Variants in PCDHA7 observed in about 807,000 individuals in gnomAD.
The protein encoded by PCDHA7 is protocadherin alpha 7.
In PCDHA7, 37 loss-of-function variants were observed where a neutral mutation model predicts 57.2. The observed-to-expected ratio is 0.65, with a 90% CI of 0.50 to 0.85. PCDHA7 has a LOEUF of 0.85. PCDHA7 is among the 40% of genes least tolerant of loss of function. The probability of loss-of-function intolerance (pLI) is 0.00; values close to 1 mark genes in which losing one functional copy is unlikely to be tolerated. For synonymous variants in PCDHA7, 553 were observed against 558.8 expected, an observed-to-expected ratio of 0.99 and a Z score of 0.15; for missense variants, 1,188 against 1,241.8, an observed-to-expected ratio of 0.96 and a Z score of 0.65.
At chr5:140,987,429 G>T (rs1402576200) in intron 3 of PCDHA7, among the ~76,000 whole-genome samples, 2 of 152,096 alleles carry the variant, frequency 1.3e-5, no homozygotes, top group Admixed American at 1.3e-4. Flanking sequence ...GAAGCAGGGG[G>T]CCTTTCCCCA....
chr5:140,967,009 T>G, intron 1 of PCDHA7: 1 of 1,606,176 alleles, frequency 6.2e-7, no homozygotes, highest in Non-Finnish European at 8.5e-7. Flanking sequence ...GCATCAACCA[T>G]CTGGGTGCGC....
intron 1 of PCDHA7, chr5:140,927,104 C>T (rs1554204027): frequency 6.2e-7 from 1 of 1,613,722 alleles, no homozygotes; most frequent in Admixed American, 1.7e-5. Flanking sequence ...GTGGATCTAC[C>T]CAGCGGCAAT....
At chr5:140,970,316 A>G (rs547261671) in intron 1 of PCDHA7, among the ~76,000 whole-genome samples, 1 of 152,342 alleles carries the variant, frequency 6.6e-6, no homozygotes, top group African/African-American at 2.4e-5. Flanking sequence ...GTTAAATGAC[A>G]GTACTTCCAA....
chr5:140,877,015 G>A, intron 1 of PCDHA7: 1 of 1,612,474 alleles, frequency 6.2e-7, no homozygotes, highest in Non-Finnish European at 8.5e-7. Context: ...CGCGGAGAGC[G>A]GCAAGGTGTA....
chr5:140,856,424 AACG>A, intron 1 of PCDHA7: 1 of 1,598,418 alleles, frequency 6.3e-7, no homozygotes, highest in Non-Finnish European at 8.6e-7. Context: ...GAAGGACATT[AACG>A]ACAACCCGCC....
rs2150249264 is a variant in PCDHA7 at position 140,835,972 on chromosome 5, T to G, written c.1589T>G (p.Leu530Arg). Reference protein sequence around the residue: ...LQPLDHEELELLQFQVSARDA... With the variant: ...LQPLDHEELERLQFQVSARDA... ...CCGTTGGACCACGAGGAGCTGGAGC[T>G]GTTGCAGTTCCAGGTGAGCGCGCGC... is the stretch of plus-strand genomic sequence containing the variant. The change falls in exon 1 of 4, where the codon CTG becomes CGG. Residue 530 changes from leucine (L) to arginine (R), a missense_variant. This residue lies in a region of PCDHA7 where 892 missense variants were observed against 788.5 expected (regional missense o/e 1.13). Transcript: ENST00000525929. 1.2e-6 allele frequency: 2 copies of G among 1,613,340 alleles called. No individual in the cohort carries two copies. Among genetic ancestry groups the G allele is most frequent in the South Asian group, 2.2e-5 (2 of 91,062 alleles).
At chr5:140,909,327 G>A (rs2074440684) in intron 1 of PCDHA7, among the ~76,000 whole-genome samples, 1 of 152,216 alleles carries the variant, frequency 6.6e-6, no homozygotes. Context: ...CCAAATCAAT[G>A]GTTGCATACC....
intron 1 of PCDHA7, chr5:140,841,717 G>A: frequency 6.2e-7 from 1 of 1,613,924 alleles, no homozygotes; most frequent in Non-Finnish European, 8.5e-7. Flanking sequence ...ACCCGCCAGT[G>A]TTCCGGGTAA....
chr5:140,835,537 T>TTGCTCCCTG lies in PCDHA7; in HGVS notation c.1155_1156insGCTCCCTGT (p.Val385_Thr386insAlaProCys). On this transcript the variant is annotated inframe_insertion, in exon 1 of 4. Transcript: ENST00000525929. ...CGAGATTTTGGAGTCAACGGACAGG[T>TTGCTCCCTG]TACCTGCTCCCTGACGCCCCGCGTT... The TTGCTCCCTG allele has an allele frequency of 1.9e-6, 3 of 1,613,926 alleles. No individual in the cohort carries two copies. In the East Asian group the frequency reaches 6.7e-5, roughly 36 times the overall value.
At chr5:140,968,210 A>T (rs376166734) in intron 1 of PCDHA7, 4 of 1,613,882 alleles carry the variant, frequency 2.5e-6, no homozygotes, top group Non-Finnish European at 3.4e-6. Flanking sequence ...ACAGGAGAAC[A>T]ATTTGCCAGG....
chr5:140,976,888 A>G (rs1050816491), intron 1 of PCDHA7, among the ~76,000 whole-genome samples: 1 of 152,218 alleles, frequency 6.6e-6, no homozygotes, highest in African/African-American at 2.4e-5. Context: ...ATTAGGATAC[A>G]TGCAACAGTA....
intron 1 of PCDHA7, chr5:140,928,354 A>G: frequency 6.2e-7 from 1 of 1,614,150 alleles, no homozygotes; most frequent in Non-Finnish European, 8.5e-7. Flanking sequence ...GTTGGATGTT[A>G]TCTCTGAAGG....
In PCDHA7 at chr5:140,928,627, T is replaced by G. The variant is rs782634688; in HGVS notation, c.2356-50322T>G. The G allele has an allele frequency of 1.5e-5, 24 of 1,614,220 alleles. No homozygotes were observed. The highest frequency in any genetic ancestry group is 1.9e-5 in the Non-Finnish European group (23 of 1,180,026). On this transcript the variant is annotated intron_variant, in intron 1 of 3. Transcript: ENST00000525929. ...GCCCCGCTCTGCCAGGACTGGACAC[T>G]TGGTCACAAAAGTGGTAGCAGAGGA...
At chr5:141,003,094 A>G (rs2098111645) in intron 3 of PCDHA7, among the ~76,000 whole-genome samples, 1 of 152,230 alleles carries the variant, frequency 6.6e-6, no homozygotes, top group African/African-American at 2.4e-5. Flanking sequence ...CAGGCCTGGC[A>G]TTTGCTTCAC....
intron 1 of PCDHA7, among the ~76,000 whole-genome samples, chr5:140,972,018 A>G (rs2096514313): frequency 6.6e-6 from 1 of 152,162 alleles, no homozygotes; most frequent in Non-Finnish European, 1.5e-5. Flanking sequence ...TTTATATGGG[A>G]TATTCAGGCA....
chr5:140,982,706 T>C, intron 3 of PCDHA7, 143 bp downstream of exon 3: 1 of 1,375,170 alleles, frequency 7.3e-7, no homozygotes, highest in Admixed American at 2.9e-5. Flanking sequence ...ATGATTTCCT[T>C]ACATATATGA....
chr5:140,863,047 C>T, intron 1 of PCDHA7: 1 of 560,864 alleles, frequency 1.8e-6, no homozygotes. Context: ...TGTCAGCTGG[C>T]AGCACCCGTT....
At chr5:140,883,575 GGGCCAC>G (rs1239547262) in intron 1 of PCDHA7, 1 of 1,613,954 alleles carries the variant, frequency 6.2e-7, no homozygotes, top group African/African-American at 1.3e-5. Flanking sequence ...CCTTCGCTGT[GGGCCAC>G]GGCCAGCGTG....
chr5:140,925,570 A>G (rs531387558), intron 1 of PCDHA7, among the ~76,000 whole-genome samples: 1 of 152,008 alleles, frequency 6.6e-6, no homozygotes, highest in African/African-American at 2.4e-5. Flanking sequence ...TGGGTGCAGC[A>G]CACCAACATG....
Sources: allele counts gnomAD v4.1 joint callset (sites outside exome capture counted in the v4.1 genomes callset), GRCh38; gene constraint gnomAD v4.1.1; regional missense constraint gnomAD v4.1.1; transcripts MANE v1.5; gene names NCBI Gene and HGNC (gene_info 2026-07-23, HGNC 2026-07-21).